The following USP31 variants were observed in gnomAD, a reference collection of about 807,000 sequenced individuals.
The protein encoded by USP31 is ubiquitin carboxyl-terminal hydrolase 31.
USP31 carries 44 observed loss-of-function variants against 119.4 expected under a neutral mutation model. The observed-to-expected ratio is 0.37, with a 90% CI of 0.29 to 0.47. USP31 has a LOEUF of 0.47. Ranked by LOEUF, USP31 falls within the 20% of genes least tolerant of loss-of-function variation. The probability of loss-of-function intolerance (pLI) is 0.99; values close to 1 mark genes in which losing one functional copy is unlikely to be tolerated. For synonymous variants in USP31, 749 were observed against 705.6 expected (o/e 1.06, Z -0.97); for missense variants, 1,643 against 1,730.2 (o/e 0.95, Z 0.89).
At chr16:23,106,327 C>A in intron 3 of USP31, 22 bp from the exon 4 acceptor site, 1 of 1,613,808 alleles carries the variant, frequency 6.2e-7, no homozygotes, top group Non-Finnish European at 8.5e-7. Context: ...AAAGGTAAGA[C>A]GCTTGACATT....
At position 23,063,214 on chromosome 16, in the gene USP31, T is replaced by G. The variant is rs1029624738; in HGVS notation, c.*4832A>C. ...TCAAAAAAGTCTCTCAAATTTGCTG[T>G]GCACCCCTTCTCCCAAAAATTGGGA... On this transcript the variant is annotated 3_prime_UTR_variant, in exon 16 of 16. Transcript: ENST00000219689. 2.0e-5 allele frequency: 3 copies of G among 152,222 alleles called. No individual in the cohort carries two copies. The highest frequency in any genetic ancestry group is 4.4e-5 in the Non-Finnish European group (3 of 68,048). The allele number at this position is 152,222 out of a possible 1,614,324, so 9.4% of individuals were successfully genotyped here.
Position 23,079,976 on chromosome 16 carries a change from G to A in USP31, c.2146C>T (p.His716Tyr). ...IYDLYAVCNH[H>Y]GTMQGGHYTA... is the part of the protein sequence containing the mutation. The stretch of plus-strand genomic sequence containing the variant: ...TAGTGCCCCCCTTGCATGGTGCCAT[G>A]GTGATTGCACACAGCATACAGGTCA... The change falls in exon 13 of 16, where the codon CAT becomes TAT. Residue 716 changes from histidine to tyrosine, a missense_variant. Transcript: ENST00000219689. 3 of 1,613,748 alleles carry A rather than the reference G, an allele frequency of 1.9e-6. No individual in the cohort carries two copies. The highest frequency in any genetic ancestry group is 2.5e-6 in the Non-Finnish European group (3 of 1,179,880).
intron 12 of USP31, 55 bp from the exon 13 acceptor site, chr16:23,080,226 G>T (rs1013200132): frequency 6.4e-5 from 93 of 1,449,390 alleles, no homozygotes; most frequent in Non-Finnish European, 1.3e-5. Flanking sequence ...GCAGATGGCA[G>T]ATCACTTTAG....
intron 1 of USP31, among the ~76,000 whole-genome samples, chr16:23,144,348 G>A (rs117581792): frequency 0.025 from 3,828 of 152,222 alleles, 84 homozygotes; most frequent in Non-Finnish European, 0.034. Context: ...CTAGAACTGA[G>A]CAGGATTCTA....
At chr16:23,128,232 C>T (rs2141893723) in intron 1 of USP31, among the ~76,000 whole-genome samples, 1 of 152,274 alleles carries the variant, frequency 6.6e-6, no homozygotes, top group South Asian at 2.1e-4. Flanking sequence ...GAACCTGATT[C>T]CAGTATCTGG....
chr16:23,074,020 A>T, intron 13 of USP31, 140 bp from the exon 14 acceptor site: 1 of 1,162,670 alleles, frequency 8.6e-7, no homozygotes, highest in Non-Finnish European at 1.2e-6. Flanking sequence ...AAAGAGATTA[A>T]AAAAAAATTC....
At position 23,069,237 on chromosome 16, in the gene USP31, G is replaced by A. The variant is rs1358214999; in HGVS notation, c.2868C>T (p.Arg956=). Residue 956 remains arginine (R), a synonymous_variant, in exon 16 of 16, where the codon CGC becomes CGT. Transcript: ENST00000219689. The part of the protein sequence containing the change: ...EGVFKDESDT[R]RLNSSVVDTQ... ...TATCTACGACACTGGAGTTCAATCT[G>A]CGGGTGTCCGATTCGTCTTTGAACA... is the stretch of plus-strand genomic sequence containing the variant. 1 of 1,614,204 alleles carries A rather than the reference G, an allele frequency of 6.2e-7. No homozygotes were observed. Among genetic ancestry groups the A allele is most frequent in the Non-Finnish European group, 8.5e-7 (1 of 1,180,034 alleles).
rs1288925261 is a variant in USP31, at chr16:23,069,556, G to C, written c.2549C>G (p.Ser850Cys). The change falls in exon 16 of 16, where the codon TCT becomes TGT. Residue 850 changes from serine (S) to cysteine (C), a missense_variant. Physicochemically the swap from Ser to Cys is moderately radical, Grantham distance 112 (BLOSUM62 -1). This residue lies in a region of USP31 where 699 missense variants were observed against 650.9 expected (regional missense o/e 1.07). Transcript: ENST00000219689. ...GACGGCCAAGGGGCTGGTGACAGAA[G>C]ATCTGGATGACAAACTCTGACGCTG... ...SVQRQSLSSR[S>C]SVTSPLAVNE... 21 of 1,614,006 alleles carry C rather than the reference G, an allele frequency of 1.3e-5. No homozygotes were observed. Among genetic ancestry groups the C allele is most frequent in the Non-Finnish European group, 1.8e-5 (21 of 1,179,878 alleles).
chr16:23,105,419 C>T, intron 5 of USP31, 22 bp downstream of exon 5: 1 of 1,563,552 alleles, frequency 6.4e-7, no homozygotes, highest in Non-Finnish European at 8.7e-7. Context: ...TCATGTGTAA[C>T]TGGTCTTAGC....
intron 5 of USP31, 139 bp from the exon 6 acceptor site, chr16:23,102,602 T>C (rs1901928830): frequency 1.1e-6 from 1 of 913,036 alleles, no homozygotes; most frequent in Non-Finnish European, 1.6e-6. Flanking sequence ...TTATTTGCCT[T>C]TAATGAGAGA....
rs113187937 is a variant in USP31, at chr16:23,095,014, T to C, written c.1235-4210A>G. On this transcript the variant is annotated intron_variant, in intron 6 of 15. Transcript: ENST00000219689. ...CTGGATGGAGAATGACTTTGATGAG[T>C]TGACAGAAGTAGGCTTCAGAAGGTT... Among the ~76,000 whole-genome samples, 1,207 of 152,194 alleles carry C rather than the reference T, an allele frequency of 7.9e-3. 11 individuals are homozygous for C. The highest frequency in any genetic ancestry group is 0.026 in the African/African-American group (1,095 of 41,498).
chr16:23,085,332 C>A (rs2141845942), intron 10 of USP31, among the ~76,000 whole-genome samples: 1 of 152,182 alleles, frequency 6.6e-6, no homozygotes, highest in African/African-American at 2.4e-5. Context: ...TAAATTGAAC[C>A]TATATAGTAG....
intron 1 of USP31, among the ~76,000 whole-genome samples, chr16:23,127,967 T>C (rs1326672642): frequency 6.6e-6 from 1 of 152,176 alleles, no homozygotes; most frequent in African/African-American, 2.4e-5. Context: ...ACTGGGATTA[T>C]TATTCTGAGA....
chr16:23,149,150 G>T lies in USP31; in HGVS notation c.121C>A (p.Pro41Thr). 2 of 1,183,014 alleles carry T rather than the reference G, an allele frequency of 1.7e-6. No homozygotes were observed. The highest frequency in any genetic ancestry group is 2.1e-6 in the Non-Finnish European group (2 of 950,016). The allele number at this position is 1,183,014 out of a possible 1,614,324, so 73.3% of individuals were successfully genotyped here. The change falls in exon 1 of 16, where the codon CCC becomes ACC. Residue 41 changes from proline (P) to threonine (T), a missense_variant. Coordinates refer to ENST00000219689, the MANE Select transcript of USP31 (RefSeq NM_020718.4). ...GRAGGGGAGGPGASGPAAPSS... is the reference protein window; with the variant it reads ...GRAGGGGAGGTGASGPAAPSS... The stretch of plus-strand genomic sequence containing the variant: ...GGCGCGGCCGGCCCGGACGCCCCGG[G>T]GCCCCCCGCGCCGCCGCCGCCAGCG...
chr16:23,102,324 T>TCTCC lies in USP31; in HGVS notation c.1228_1229insGGAG (p.Gln410ArgfsTer22). ...GGAAACAGGAGCTCCCTTACCTCTT[T>TCTCC]GACTGAGAATTCCTTCAGGCCTAAA... is the stretch of plus-strand genomic sequence containing the variant. On this transcript the variant is annotated frameshift_variant, in exon 6 of 16. Transcript: ENST00000219689. LOFTEE classifies it high-confidence loss of function. 1 of 1,613,158 alleles carries TCTCC rather than the reference T, an allele frequency of 6.2e-7. No homozygotes were observed. The highest frequency in any genetic ancestry group is 2.2e-5 in the East Asian group (1 of 44,874).
intron 1 of USP31, among the ~76,000 whole-genome samples, chr16:23,146,361 C>T (rs1311180196): frequency 6.6e-6 from 1 of 151,880 alleles, no homozygotes; most frequent in Non-Finnish European, 1.5e-5. Flanking sequence ...GAGGCCGAGG[C>T]AGGTGGATCA....
chr16:23,118,922 G>A (rs1343338480), intron 1 of USP31, among the ~76,000 whole-genome samples: 1 of 151,758 alleles, frequency 6.6e-6, no homozygotes, highest in Non-Finnish European at 1.5e-5. Flanking sequence ...GCAGTCAACT[G>A]AGATCGCACC....
chr16:23,114,954 A>G (rs1480718780), intron 1 of USP31, among the ~76,000 whole-genome samples: 1 of 152,180 alleles, frequency 6.6e-6, no homozygotes, highest in Non-Finnish European at 1.5e-5. Context: ...CTAACGGCCA[A>G]TCCTTTAGTA....
In USP31 at chr16:23,090,635, T is replaced by C. The variant is rs1282296502; in HGVS notation, c.1404A>G (p.Gln468=). ...LLVCNRACTG[Q]QGKRFGLPFV... ...AATCTGGTTCTCACCTTTTCCCTTG[T>C]TGCCCAGTGCAGGCTCGGTTACACA... is the stretch of plus-strand genomic sequence containing the variant. The change falls in exon 7 of 16, where the codon CAA becomes CAG. Residue 468 remains glutamine, a synonymous_variant. Transcript: ENST00000219689. 3.1e-6 allele frequency: 5 copies of C among 1,606,518 alleles called. No individual in the cohort carries two copies. The African/African-American group carries it at 4.0e-5, about 13-fold the overall frequency.
Sources: gnomAD v4.1 joint callset for allele counts (sites outside exome capture counted in the v4.1 genomes callset) on GRCh38, gnomAD v4.1.1 for gene constraint, gnomAD v4.1.1 regional missense constraint, MANE v1.5 for transcripts, NCBI Gene and HGNC (gene_info 2026-07-23, HGNC 2026-07-21) for gene names.